Variants in TEX264 observed in about 807,000 individuals in gnomAD.
The protein encoded by TEX264 is testis expressed 264, ER-phagy receptor.
In TEX264, 13 loss-of-function variants were observed where a neutral mutation model predicts 23.4. The ratio of observed to expected loss-of-function variants is 0.56; its 90% CI spans 0.36 to 0.88. The LOEUF is 0.88. TEX264 is among the 40% of genes least tolerant of loss of function. The probability of loss-of-function intolerance (pLI) is 0.01; values close to 1 mark genes in which losing one functional copy is unlikely to be tolerated. For synonymous variants in TEX264, 159 were observed against 170.0 expected (o/e 0.94, Z 0.50); for missense variants, 340 against 406.8 (o/e 0.84, Z 1.41).
rs1703389891 is a variant in TEX264, at chr3:51,703,419, G to A, written c.650-305G>A. 1.3e-5 allele frequency among the ~76,000 whole-genome samples: 2 copies of A among 152,170 alleles called. No individual in the cohort carries two copies. The highest frequency in any genetic ancestry group is 2.4e-5 in the African/African-American group (1 of 41,436). On this transcript the variant is annotated intron_variant, in intron 4 of 4. Coordinates refer to ENST00000341333, the MANE Select transcript of TEX264 (RefSeq NM_015926.6). This position sits in a 1 kb window ranked among gnomAD's most constrained non-coding sequence, Gnocchi z 4.8. ...GGCCCTTAATAAATGTGGGGGGAGG[G>A]CAGCAGGCTTTGTGGAAGTGCAGGG...
In TEX264 at chr3:51,691,157, G is replaced by A. The variant is rs930478471; in HGVS notation, c.480+6523G>A. Among the ~76,000 whole-genome samples the A allele has an allele frequency of 2.0e-5, 3 of 152,204 alleles. No individual in the cohort carries two copies. The highest frequency in any genetic ancestry group is 1.3e-4 in the Admixed American group (2 of 15,286). On this transcript the variant is annotated intron_variant, in intron 3 of 4. Coordinates refer to ENST00000341333, the MANE Select transcript of TEX264 (RefSeq NM_015926.6). This position sits in a 1 kb window ranked among gnomAD's most constrained non-coding sequence, Gnocchi z 4.4. Reference sequence around the variant, plus strand: ...AAGCACAGGAAGAGGCTGTGTACCCGCTTGCCCAGCAGGCACTCATTAAGG... The same window carrying A: ...AAGCACAGGAAGAGGCTGTGTACCCACTTGCCCAGCAGGCACTCATTAAGG...
intron 1 of TEX264, among the ~76,000 whole-genome samples, chr3:51,673,773 G>T (rs1319916750): frequency 6.6e-6 from 1 of 152,190 alleles, no homozygotes; most frequent in Non-Finnish European, 1.5e-5. Flanking sequence ...TGGTTTCCCT[G>T]TCGTTAGTAA....
At chr3:51,693,434 C>T (rs1164423902) in intron 3 of TEX264, among the ~76,000 whole-genome samples, 2 of 151,338 alleles carry the variant, frequency 1.3e-5, no homozygotes, top group African/African-American at 2.4e-5. Context: ...GCCCTGGGCT[C>T]GACCTAACCC....
chr3:51,673,087 C>T (rs1360302396), intron 1 of TEX264, among the ~76,000 whole-genome samples: 3 of 152,022 alleles, frequency 2.0e-5, no homozygotes, highest in Non-Finnish European at 4.4e-5. Context: ...TTTTTTTTAG[C>T]GTAAAATCAA....
intron 1 of TEX264, among the ~76,000 whole-genome samples, chr3:51,673,677 G>A (rs935862269): frequency 6.6e-6 from 1 of 152,208 alleles, no homozygotes; most frequent in African/African-American, 2.4e-5. Flanking sequence ...CAAGGTCCCT[G>A]CAGGCCAGAT....
chr3:51,701,628 C>CT (rs956385905), intron 4 of TEX264, among the ~76,000 whole-genome samples: 21 of 151,216 alleles, frequency 1.4e-4, no homozygotes, highest in Middle Eastern at 3.5e-3. Flanking sequence ...AGCTGGATTC[C>CT]TTTTTTTTGT....
chr3:51,692,740 G>C (rs1013652948), intron 3 of TEX264, among the ~76,000 whole-genome samples: 1 of 152,254 alleles, frequency 6.6e-6, no homozygotes, highest in Non-Finnish European at 1.5e-5. Flanking sequence ...GGGGTGGGCT[G>C]TGGAGCCTGC....
At chr3:51,690,240 C>T (rs983727126) in intron 3 of TEX264, among the ~76,000 whole-genome samples, 2 of 152,138 alleles carry the variant, frequency 1.3e-5, no homozygotes, top group South Asian at 2.1e-4. Context: ...CGGGGAAATA[C>T]AGGTGAGGAC....
intron 3 of TEX264, 31 bp from the exon 4 acceptor site, chr3:51,699,375 C>T: frequency 6.2e-7 from 1 of 1,609,240 alleles, no homozygotes; most frequent in South Asian, 1.1e-5. Flanking sequence ...CCCTGTAGGG[C>T]TCATTCTACC....
rs760417570 is a variant in TEX264 at position 51,703,792 on chromosome 3, G to A, written c.718G>A (p.Ala240Thr). The A allele has an allele frequency of 1.2e-6, 2 of 1,608,996 alleles. No individual in the cohort carries two copies. The highest frequency in any genetic ancestry group is 2.2e-5 in the South Asian group (2 of 90,940). ...GAGCCCTGGCAGCCGGGAGACTTCA[G>A]CTGCCACACTGTCACCTGGGGCGAG... is the stretch of plus-strand genomic sequence containing the variant. ...EVSPGSRETS[A>T]ATLSPGASSR... Residue 240 changes from alanine to threonine, a missense_variant, in exon 5 of 5, where the codon GCT becomes ACT. Ala to Thr is a moderately conservative substitution (Grantham distance 58). Transcript: ENST00000341333. This position sits in a 1 kb window ranked among gnomAD's most constrained non-coding sequence, Gnocchi z 4.8.
At chr3:51,695,427 CT>C (rs1274600837) in intron 3 of TEX264, among the ~76,000 whole-genome samples, 1 of 152,212 alleles carries the variant, frequency 6.6e-6, no homozygotes, top group Non-Finnish European at 1.5e-5. Context: ...CGTCCTGGGC[CT>C]GACCTCTTCT....
intron 4 of TEX264, 58 bp downstream of exon 4, chr3:51,699,632 C>T (rs1433253254): frequency 6.3e-7 from 1 of 1,586,996 alleles, no homozygotes; most frequent in Non-Finnish European, 8.6e-7. Context: ...TTCTGGACTC[C>T]AGGGGCTTGG....
Position 51,703,980 on chromosome 3 carries a change from C to G in TEX264, c.906C>G (p.Leu302=). ...GTEPLGTTKW[L]WEPTAPEKGK... is the part of the protein sequence containing the mutation. ...AGCCCCTGGGGACTACCAAGTGGCTCTGGGAGCCCACTGCCCCTGAGAAGG... is the reference window on the plus strand; with the variant it reads ...AGCCCCTGGGGACTACCAAGTGGCTGTGGGAGCCCACTGCCCCTGAGAAGG... Residue 302 remains leucine (L), a synonymous_variant, in exon 5 of 5, where the codon CTC becomes CTG. Coordinates refer to ENST00000341333, the MANE Select transcript of TEX264 (RefSeq NM_015926.6). The surrounding 1 kb of genome is among the most constrained non-coding windows in gnomAD (Gnocchi z 4.8). The G allele has an allele frequency of 6.4e-7, 1 of 1,554,052 alleles. No individual in the cohort carries two copies. The highest frequency in any genetic ancestry group is 8.7e-7 in the Non-Finnish European group (1 of 1,146,608).
At position 51,704,253 on chromosome 3, in the gene TEX264, C is replaced by CT; in HGVS notation, c.*244dup. Reference sequence around the variant, plus strand: ...CCCAGGGCTGCCACCCCTGTTGTGTCTTTTTTTCAGACTCACAGTGGAGCT... The same window carrying CT: ...CCCAGGGCTGCCACCCCTGTTGTGTCTTTTTTTTCAGACTCACAGTGGAGCT... On this transcript the variant is annotated 3_prime_UTR_variant, in exon 5 of 5. Coordinates refer to ENST00000341333, the MANE Select transcript of TEX264 (RefSeq NM_015926.6). 1 of 377,826 alleles carries CT rather than the reference C, an allele frequency of 2.6e-6. No homozygotes were observed. Among genetic ancestry groups the CT allele is most frequent in the Non-Finnish European group, 4.7e-6 (1 of 213,062 alleles). 23.4% of individuals were successfully genotyped at this position (377,826 alleles called of 1,614,324 possible).
At chr3:51,679,979 AACGAGGTCCCGTATCAACC>A (rs1240344746) in intron 2 of TEX264, among the ~76,000 whole-genome samples, 9 of 152,114 alleles carry the variant, frequency 5.9e-5, no homozygotes, top group Admixed American at 5.9e-4. Context: ...TAGGAGGGCA[AACGAGGTCCCGTATCAACC>A]ACCTAGTCAT....
chr3:51,696,870 A>C (rs1485683324), intron 3 of TEX264, among the ~76,000 whole-genome samples: 3 of 152,180 alleles, frequency 2.0e-5, no homozygotes, highest in Non-Finnish European at 4.4e-5. Context: ...AGTAGGGAGG[A>C]CCAGGGCCCC....
Position 51,703,859 on chromosome 3 carries a change from G to A in TEX264, c.785G>A (p.Ser262Asn). The change falls in exon 5 of 5, where the codon AGC (serine) becomes AAC (asparagine). Residue 262 changes from serine (S) to asparagine (N), a missense_variant. Transcript: ENST00000341333. The surrounding 1 kb of genome is among the most constrained non-coding windows in gnomAD (Gnocchi z 4.8). ...WDDGDTRSEH[S>N]YSESGASGSS... is the part of the protein sequence containing the mutation. Reference sequence around the variant, plus strand: ...GACGGTGACACCCGCAGCGAGCACAGCTACAGCGAGTCAGGTGCCAGCGGC... The same window carrying A: ...GACGGTGACACCCGCAGCGAGCACAACTACAGCGAGTCAGGTGCCAGCGGC... The A allele has an allele frequency of 6.2e-7, 1 of 1,612,716 alleles. No homozygotes were observed.
intron 3 of TEX264, among the ~76,000 whole-genome samples, chr3:51,696,692 C>T (rs1703072062): frequency 6.6e-6 from 1 of 152,226 alleles, no homozygotes; most frequent in Non-Finnish European, 1.5e-5. Flanking sequence ...CAGGGGGCAA[C>T]TACAAGCCCC....
At chr3:51,674,139 T>C in intron 1 of TEX264, 132 bp from the exon 2 acceptor site, 1 of 845,038 alleles carries the variant, frequency 1.2e-6, no homozygotes, top group Non-Finnish European at 1.8e-6. Context: ...TAAACACCTC[T>C]GGCCCCTCCC....
Sources: allele counts gnomAD v4.1 joint callset (sites outside exome capture counted in the v4.1 genomes callset), GRCh38; gene constraint gnomAD v4.1.1; non-coding constraint Gnocchi (gnomAD v3.1); transcripts MANE v1.5; gene names NCBI Gene and HGNC (gene_info 2026-07-23, HGNC 2026-07-21).